Variants in VLDLR observed in about 807,000 individuals in gnomAD.
VLDLR encodes the protein very low density lipoprotein receptor.
In VLDLR, 81 loss-of-function variants were observed where a neutral mutation model predicts 112.7. The ratio of observed to expected loss-of-function variants is 0.72; its 90% CI spans 0.60 to 0.86. The LOEUF (loss-of-function observed/expected upper bound fraction) is 0.86, where lower values mean the gene tolerates loss of function less well. Among genes scored for constraint, VLDLR ranks in the 40% least tolerant of loss-of-function variants. The probability of loss-of-function intolerance (pLI) is 0.00; values close to 1 mark genes in which losing one functional copy is unlikely to be tolerated. For synonymous variants in VLDLR, 436 were observed against 384.8 expected, an observed-to-expected ratio of 1.13 and a Z score of -1.56; for missense variants, 1,237 against 1,099.4, an observed-to-expected ratio of 1.13 and a Z score of -1.77.
At chr9:2,636,085 G>C (rs1817590742) in intron 2 of VLDLR, among the ~76,000 whole-genome samples, 1 of 152,122 alleles carries the variant, frequency 6.6e-6, no homozygotes, top group South Asian at 2.1e-4. Context: ...AGCATTAGCA[G>C]GGCGGAAGAC....
At position 2,641,441 on chromosome 9, in the gene VLDLR, G is replaced by T; in HGVS notation, c.390G>T (p.Val130=). The stretch of plus-strand genomic sequence containing the variant: ...CCCATTCTACTCAGTGTATCCCAGT[G>T]TCCTGGAGATGTGATGGTGAAAATG... ...CGAHSTQCIP[V]SWRCDGENDC... Residue 130 remains valine (V), a synonymous_variant, in exon 4 of 19, where the codon GTG becomes GTT. Coordinates refer to ENST00000382100, the MANE Select transcript of VLDLR (RefSeq NM_003383.5). 1 of 1,614,212 alleles carries T rather than the reference G, an allele frequency of 6.2e-7. No individual in the cohort carries two copies. Among genetic ancestry groups the T allele is most frequent in the South Asian group, 1.1e-5 (1 of 91,076 alleles).
intron 1 of VLDLR, among the ~76,000 whole-genome samples, chr9:2,628,574 G>C (rs1335840204): frequency 1.3e-5 from 2 of 152,214 alleles, no homozygotes; most frequent in African/African-American, 4.8e-5. Flanking sequence ...TGAATCACTA[G>C]GTTGCTTGAT....
At chr9:2,644,313 C>A (rs1409108240) in intron 7 of VLDLR, among the ~76,000 whole-genome samples, 1 of 144,662 alleles carries the variant, frequency 6.9e-6, no homozygotes, top group Non-Finnish European at 1.5e-5. Flanking sequence ...CGCCCACCAC[C>A]ACGCCCGGCT....
intron 1 of VLDLR, among the ~76,000 whole-genome samples, chr9:2,633,831 T>C (rs1817477143): frequency 6.6e-6 from 1 of 152,102 alleles, no homozygotes; most frequent in Admixed American, 6.6e-5. Flanking sequence ...TGCAAACATA[T>C]TAAGAATCCA....
At position 2,621,872 on chromosome 9, in the gene VLDLR, C is replaced by T. The variant is rs1279377337; in HGVS notation, c.-318C>T. The T allele has an allele frequency of 3.4e-6, 2 of 589,834 alleles. No homozygotes were observed. The highest frequency in any genetic ancestry group is 7.4e-5 in the East Asian group (2 of 26,982). 36.5% of individuals were successfully genotyped at this position (589,834 alleles called of 1,614,324 possible). On this transcript the variant is annotated 5_prime_UTR_variant, in exon 1 of 19. Coordinates refer to ENST00000382100, the MANE Select transcript of VLDLR (RefSeq NM_003383.5). The stretch of plus-strand genomic sequence containing the variant: ...GCTCTCTTCTGCTCTCGGCTCCCCA[C>T]CCCCTCTCCCTTCCCTCCTCTCCCC...
rs1197184790 is a variant in VLDLR at position 2,654,308 on chromosome 9, C to G, written c.*440C>G. 1.1e-5 allele frequency: 2 copies of G among 178,494 alleles called. No homozygotes were observed. The highest frequency in any genetic ancestry group is 2.8e-4 in the East Asian group (2 of 7,036). 11.1% of individuals were successfully genotyped at this position (178,494 alleles called of 1,614,324 possible). ...TTGTAAACTTTTTCAATGGTTGGGA[C>G]AATGGCAATAGGACAAAACGGGTTA... On this transcript the variant is annotated 3_prime_UTR_variant, in exon 19 of 19. Transcript: ENST00000382100.
chr9:2,646,748 C>G (rs1369942979), intron 11 of VLDLR, among the ~76,000 whole-genome samples, 196 bp downstream of exon 11: 1 of 152,232 alleles, frequency 6.6e-6, no homozygotes, highest in African/African-American at 2.4e-5. Flanking sequence ...ACAGGTCCTC[C>G]TGTCTGACTC....
chr9:2,645,884 C>G (rs959162154), intron 10 of VLDLR, 139 bp downstream of exon 10: 13 of 925,048 alleles, frequency 1.4e-5, no homozygotes, highest in African/African-American at 3.3e-5. Flanking sequence ...AAATCTAATG[C>G]TAATTCTTTA....
intron 4 of VLDLR, among the ~76,000 whole-genome samples, chr9:2,642,490 C>T (rs1817874278): frequency 1.3e-5 from 2 of 152,188 alleles, no homozygotes; most frequent in African/African-American, 2.4e-5. Flanking sequence ...GAGTCGTGGT[C>T]TCTATTCTAA....
In VLDLR at chr9:2,646,398, G is replaced by C. The variant is rs771334256; in HGVS notation, c.1549G>C (p.Ala517Pro). ...GATCGACAATGTCTATAATCCTGCA[G>C]CCATTGCTGTTGATTGGGTGTACAA... ...KMIDNVYNPA[A>P]IAVDWVYKTI... Residue 517 changes from alanine (A) to proline (P), a missense_variant, in exon 11 of 19, where the codon GCC (alanine) becomes CCC (proline). Ala to Pro is a conservative substitution (Grantham distance 27). Transcript: ENST00000382100. The C allele has an allele frequency of 6.2e-7, 1 of 1,614,182 alleles. No individual in the cohort carries two copies. Among genetic ancestry groups the C allele is most frequent in the South Asian group, 1.1e-5 (1 of 91,084 alleles).
At chr9:2,623,244 G>A (rs1282993453) in intron 1 of VLDLR, among the ~76,000 whole-genome samples, 2 of 152,230 alleles carry the variant, frequency 1.3e-5, no homozygotes, top group African/African-American at 4.8e-5. Context: ...GCCCCGCCTG[G>A]TCGTCAGCCA....
At chr9:2,634,079 G>A (rs1341323327) in intron 1 of VLDLR, among the ~76,000 whole-genome samples, 4 of 152,198 alleles carry the variant, frequency 2.6e-5, no homozygotes, top group African/African-American at 7.2e-5. Context: ...TGGGAGCAGA[G>A]TGATAGATGC....
intron 4 of VLDLR, 69 bp from the exon 5 acceptor site, chr9:2,643,091 T>G: frequency 6.3e-7 from 1 of 1,595,646 alleles, no homozygotes; most frequent in East Asian, 2.2e-5. Flanking sequence ...ATGTATTAGA[T>G]TTTGGGACAA....
intron 18 of VLDLR, 42 bp from the exon 19 acceptor site, chr9:2,653,791 G>T (rs1342578468): frequency 1.1e-5 from 18 of 1,612,536 alleles, no homozygotes; most frequent in Non-Finnish European, 1.5e-5. Flanking sequence ...TGCCATCAGT[G>T]AGTGATCACC....
At chr9:2,648,086 C>G in intron 12 of VLDLR, 122 bp from the exon 13 acceptor site, 1 of 1,365,316 alleles carries the variant, frequency 7.3e-7, no homozygotes, top group Non-Finnish European at 1.0e-6. Flanking sequence ...TTATGGTGAC[C>G]CCGTTAAGAA....
intron 1 of VLDLR, among the ~76,000 whole-genome samples, chr9:2,630,022 G>A (rs1028551812): frequency 6.6e-6 from 1 of 152,150 alleles, no homozygotes; most frequent in Non-Finnish European, 1.5e-5. Flanking sequence ...TTGAACCCCT[G>A]ACCTCAGGTG....
At position 2,647,608 on chromosome 9, in the gene VLDLR, C is replaced by G; in HGVS notation, c.1822+16C>G. On this transcript the variant is annotated intron_variant, in intron 12 of 18. Coordinates refer to ENST00000382100, the MANE Select transcript of VLDLR (RefSeq NM_003383.5). Reference sequence around the variant, plus strand: ...ATTACACTTGGTATGTATGTTCTTCCTTCTCGACCACCCACTCAACTATCT... The same window carrying G: ...ATTACACTTGGTATGTATGTTCTTCGTTCTCGACCACCCACTCAACTATCT... 2.5e-6 allele frequency: 4 copies of G among 1,594,862 alleles called. No individual in the cohort carries two copies. Among genetic ancestry groups the G allele is most frequent in the Non-Finnish European group, 3.4e-6 (4 of 1,162,456 alleles).
At chr9:2,625,031 G>C (rs1817029427) in intron 1 of VLDLR, among the ~76,000 whole-genome samples, 1 of 152,190 alleles carries the variant, frequency 6.6e-6, no homozygotes, top group South Asian at 2.1e-4. Context: ...CAAATATTAA[G>C]ACTTTAGTAC....
chr9:2,645,315 G>C (rs1028493684), intron 9 of VLDLR, among the ~76,000 whole-genome samples: 3 of 152,140 alleles, frequency 2.0e-5, no homozygotes, highest in Non-Finnish European at 4.4e-5. Context: ...TGCATGCTCT[G>C]TTTCCAAAAC....
Sources: gnomAD v4.1 joint callset for allele counts (sites outside exome capture counted in the v4.1 genomes callset) on GRCh38, gnomAD v4.1.1 for gene constraint, MANE v1.5 for transcripts, NCBI Gene and HGNC (gene_info 2026-07-23, HGNC 2026-07-21) for gene names.